TCTN3: variants seen among roughly 807,000 people sequenced by gnomAD.
TCTN3 encodes tectonic family member 3, also known as tectonic-3.
In TCTN3, 57 loss-of-function variants were observed where a neutral mutation model predicts 71.3. That is an observed-to-expected ratio of 0.80 (90% confidence interval 0.65 to 1.00). TCTN3 has a LOEUF of 1.00. Among genes scored for constraint, TCTN3 ranks in the 50% least tolerant of loss-of-function variants. The probability of loss-of-function intolerance (pLI) is 0.00; values close to 1 mark genes in which losing one functional copy is unlikely to be tolerated. For synonymous variants in TCTN3, 258 were observed against 267.8 expected (o/e 0.96, Z 0.36); for missense variants, 696 against 719.9 (o/e 0.97, Z 0.38).
chr10:95,683,342 C>T (rs1344172258), intron 10 of TCTN3, 147 bp from the exon 11 acceptor site: 32 of 1,491,970 alleles, frequency 2.1e-5, no homozygotes, highest in Non-Finnish European at 2.6e-5. Context: ...GATTTTTTTC[C>T]TCAGAAAACC....
At chr10:95,683,039 T>C in intron 11 of TCTN3, 62 bp downstream of exon 11, 1 of 1,465,462 alleles carries the variant, frequency 6.8e-7, no homozygotes, top group South Asian at 1.2e-5. Context: ...AAAGTTACCA[T>C]ATCAACATAT....
chr10:95,679,792 A>G (rs4918957), intron 13 of TCTN3, among the ~76,000 whole-genome samples: 127,088 of 151,158 alleles, frequency 0.84, 53,984 homozygotes, highest in Non-Finnish European at 0.91. Flanking sequence ...GGGTTTCACC[A>G]TTTTAGCCGG....
At chr10:95,666,237 A>AG (rs1219902083) in intron 13 of TCTN3, among the ~76,000 whole-genome samples, 88 of 132,950 alleles carry the variant, frequency 6.6e-4, no homozygotes, top group Non-Finnish European at 9.9e-4. Flanking sequence ...CACCATGCCC[A>AG]GCCTTTTTTT....
At chr10:95,679,825 C>T (rs943204812) in intron 13 of TCTN3, among the ~76,000 whole-genome samples, 2 of 151,908 alleles carry the variant, frequency 1.3e-5, no homozygotes, top group Non-Finnish European at 2.9e-5. Flanking sequence ...CTCCTGACCT[C>T]GTGATCCGCC....
rs754767207 is a variant in TCTN3, at chr10:95,687,334, AAGT to A, written c.646_648del (p.Thr216del). 1 of 1,613,882 alleles carries A rather than the reference AAGT, an allele frequency of 6.2e-7. No individual in the cohort carries two copies. The highest frequency in any genetic ancestry group is 1.1e-5 in the South Asian group (1 of 90,992). On this transcript the variant is annotated inframe_deletion, in exon 5 of 14. Coordinates refer to ENST00000371217, the MANE Select transcript of TCTN3 (RefSeq NM_015631.6). ...CTTATTACAGACCACTTGGGGAAGT[AAGT>A]AAGAATGGGGTCCCCAGCCTGAATA...
At chr10:95,683,367 A>G (rs763742316) in intron 10 of TCTN3, 155 bp downstream of exon 10, 3 of 1,511,946 alleles carry the variant, frequency 2.0e-6, no homozygotes, top group African/African-American at 1.4e-5. Flanking sequence ...AGAGACAACT[A>G]GATTCCAAAA....
chr10:95,682,003 G>A (rs912161253), intron 12 of TCTN3, among the ~76,000 whole-genome samples: 3 of 151,730 alleles, frequency 2.0e-5, no homozygotes, highest in African/African-American at 7.3e-5. Context: ...GAGACCATCT[G>A]GACAACATAC....
intron 13 of TCTN3, among the ~76,000 whole-genome samples, chr10:95,664,510 C>T (rs922037179): frequency 2.0e-5 from 3 of 152,186 alleles, no homozygotes; most frequent in Admixed American, 2.0e-4. Flanking sequence ...CAGAACTGAA[C>T]AGTTACACCT....
chr10:95,687,028 G>C lies in TCTN3; in HGVS notation c.852+16C>G, dbSNP rs775646276. On this transcript the variant is annotated intron_variant, in intron 6 of 13. Transcript: ENST00000371217. ...CTTCATAGTAGTGACAGTGTAGGGAGAGAAAGGACACCTACCTTTAAGACT... is the reference window on the plus strand; with the variant it reads ...CTTCATAGTAGTGACAGTGTAGGGACAGAAAGGACACCTACCTTTAAGACT... The C allele has an allele frequency of 2.5e-6, 4 of 1,586,388 alleles. No individual in the cohort carries two copies. In the South Asian group the frequency reaches 3.3e-5, roughly 13 times the overall value.
At chr10:95,669,491 C>T (rs2097928719) in intron 13 of TCTN3, among the ~76,000 whole-genome samples, 1 of 152,152 alleles carries the variant, frequency 6.6e-6, no homozygotes, top group Non-Finnish European at 1.5e-5. Context: ...TTCTCAAAGC[C>T]CTCCAAACTC....
intron 11 of TCTN3, 72 bp downstream of exon 11, chr10:95,683,029 A>T: frequency 1.4e-6 from 2 of 1,442,858 alleles, no homozygotes; most frequent in South Asian, 1.2e-5. Context: ...TAAAAATATA[A>T]AAGTTACCAT....
chr10:95,664,021 C>CA lies in TCTN3; in HGVS notation c.*45dup. 1 of 1,561,592 alleles carries CA rather than the reference C, an allele frequency of 6.4e-7. No homozygotes were observed. The highest frequency in any genetic ancestry group is 1.1e-5 in the South Asian group (1 of 89,164). On this transcript the variant is annotated 3_prime_UTR_variant, in exon 14 of 14. Transcript: ENST00000371217. ...ATTTAGCCAAGATAAGTGGCTGCCT[C>CA]AGAGTTTCTCATAGGGAAAACTGAA...
rs1482900802 is a variant in TCTN3 at position 95,693,849 on chromosome 10, G to C, written c.51C>G (p.Pro17=). 1.9e-6 allele frequency: 3 copies of C among 1,551,686 alleles called. No individual in the cohort carries two copies. The highest frequency in any genetic ancestry group is 1.7e-6 in the Non-Finnish European group (2 of 1,146,998). Residue 17 remains proline (P), a synonymous_variant, in exon 1 of 14, where the codon CCC becomes CCG. Transcript: ENST00000371217. ...AAGAGGGCTGAGGCCGGACGCCATCGGGGAACACCAGAAAGAACACTTGCA... is the reference window on the plus strand; with the variant it reads ...AAGAGGGCTGAGGCCGGACGCCATCCGGGAACACCAGAAAGAACACTTGCA... The part of the protein sequence containing the change: ...ALLQVFFLVF[P]DGVRPQPSSS...
chr10:95,676,103 T>C (rs1208198263), intron 13 of TCTN3, among the ~76,000 whole-genome samples: 2 of 149,858 alleles, frequency 1.3e-5, no homozygotes, highest in South Asian at 2.2e-4. Flanking sequence ...AAATAAAAGA[T>C]GCTTATTAAA....
chr10:95,690,309 G>A (rs778146864), intron 3 of TCTN3, among the ~76,000 whole-genome samples: 14 of 152,070 alleles, frequency 9.2e-5, no homozygotes, highest in Non-Finnish European at 1.6e-4. Flanking sequence ...AGCACCATGG[G>A]GAAACAAAGA....
At chr10:95,685,019 C>T (rs1206546460) in intron 8 of TCTN3, among the ~76,000 whole-genome samples, 1 of 152,104 alleles carries the variant, frequency 6.6e-6, no homozygotes, top group Non-Finnish European at 1.5e-5. Context: ...AAGTTGCAGG[C>T]AATTGAAAGT....
intron 13 of TCTN3, among the ~76,000 whole-genome samples, chr10:95,673,097 A>G (rs376874960): frequency 6.6e-6 from 1 of 152,192 alleles, no homozygotes; most frequent in African/African-American, 2.4e-5. Flanking sequence ...TTTGTCAGAT[A>G]AACTATTGAG....
At chr10:95,684,457 A>G (rs770504317) in intron 9 of TCTN3, 42 bp downstream of exon 9, 16 of 1,590,720 alleles carry the variant, frequency 1.0e-5, no homozygotes, top group Non-Finnish European at 1.3e-5. Flanking sequence ...CTAACCCAAT[A>G]TTTCTTCCCC....
intron 13 of TCTN3, among the ~76,000 whole-genome samples, chr10:95,669,583 T>C (rs1042917677): frequency 6.6e-6 from 1 of 152,152 alleles, no homozygotes; most frequent in Non-Finnish European, 1.5e-5. Flanking sequence ...GTCTCAGACC[T>C]TCCATGGATG....
Sources: gnomAD v4.1 joint callset for allele counts (sites outside exome capture counted in the v4.1 genomes callset) on GRCh38, gnomAD v4.1.1 for gene constraint, MANE v1.5 for transcripts, NCBI Gene and HGNC (gene_info 2026-07-23, HGNC 2026-07-21) for gene names.